MBNL2: variants seen among roughly 807,000 people sequenced by gnomAD.
The protein encoded by MBNL2 is muscleblind-like protein 2.
Under a neutral mutation model 41.9 loss-of-function variants are expected in MBNL2, and 17 were observed. That is an observed-to-expected ratio of 0.41 (90% confidence interval 0.28 to 0.61). MBNL2 has a LOEUF of 0.61. Among genes scored for constraint, MBNL2 ranks in the 20% least tolerant of loss-of-function variants. The pLI is 0.35. For synonymous variants in MBNL2, 195 were observed against 182.9 expected (o/e 1.07, Z -0.53); for missense variants, 336 against 505.6 (o/e 0.66, Z 3.22).
intron 8 of MBNL2, among the ~76,000 whole-genome samples, chr13:97,378,933 A>C (rs2065192264): frequency 6.6e-6 from 1 of 152,216 alleles, no homozygotes; most frequent in Non-Finnish European, 1.5e-5. Flanking sequence ...CACATCTTAG[A>C]GAATAATTTG....
chr13:97,373,605 A>ATATATATAT (rs2064618432), intron 8 of MBNL2, among the ~76,000 whole-genome samples: 1 of 145,388 alleles, frequency 6.9e-6, no homozygotes, highest in African/African-American at 2.5e-5. Context: ...GTATGCTAAA[A>ATATATATAT]ATATATATAT....
chr13:97,359,745 A>G (rs888476563), intron 7 of MBNL2, among the ~76,000 whole-genome samples: 3 of 152,278 alleles, frequency 2.0e-5, no homozygotes, highest in Admixed American at 2.0e-4. Context: ...GCGCACCAAT[A>G]CAGTGACTAG....
rs71922683 is a variant in MBNL2, at chr13:97,327,560, TAAAAA to T, written c.175-6697_175-6693del. 5.6e-4 allele frequency among the ~76,000 whole-genome samples: 51 copies of T among 90,744 alleles called. 1 individual carries two copies. The highest frequency in any genetic ancestry group is 2.7e-4 in the Admixed American group (2 of 7,402). The allele number at this position is 90,744 out of a possible 152,430, so 59.5% of individuals were successfully genotyped here. On this transcript the variant is annotated intron_variant, in intron 2 of 8. Coordinates refer to ENST00000679496, the MANE Select transcript of MBNL2 (RefSeq NM_001382683.1). ...GGCACAGACTATTATACGTTATTTG[TAAAAA>T]AAAAAAAAAAAAAAAAAAGTTCATA...
chr13:97,165,385 C>G, the MBNL2 span, among the ~76,000 whole-genome samples: 9,265 of 152,150 alleles, frequency 0.061, 956 homozygotes, highest in African/African-American at 0.21. Flanking sequence ...CAGTTAAACT[C>G]TATTATCTAA....
chr13:97,143,314 C>A, the MBNL2 span, among the ~76,000 whole-genome samples: 1 of 152,174 alleles, frequency 6.6e-6, no homozygotes, highest in African/African-American at 2.4e-5. Flanking sequence ...TTTGATCATA[C>A]CACATAGCCA....
chr13:97,191,016 A>G, the MBNL2 span, among the ~76,000 whole-genome samples: 1 of 152,296 alleles, frequency 6.6e-6, no homozygotes, highest in East Asian at 1.9e-4. Flanking sequence ...CTAAAAAAAA[A>G]AATCATTTAC....
At chr13:97,326,106 G>T (rs901875762) in intron 2 of MBNL2, among the ~76,000 whole-genome samples, 1 of 117,736 alleles carries the variant, frequency 8.5e-6, no homozygotes, top group African/African-American at 3.0e-5. Context: ...CATAGTCCAG[G>T]TGATGCAGTG....
chr13:97,199,407 C>T, the MBNL2 span, among the ~76,000 whole-genome samples: 1 of 152,184 alleles, frequency 6.6e-6, no homozygotes, highest in Non-Finnish European at 1.5e-5. Flanking sequence ...AGAATGAAAG[C>T]TCCATGAGGG....
At chr13:97,148,417 AT>A in the MBNL2 span, among the ~76,000 whole-genome samples, 1 of 152,182 alleles carries the variant, frequency 6.6e-6, no homozygotes, top group Non-Finnish European at 1.5e-5. Flanking sequence ...AACCCACAGA[AT>A]ATACAACACC....
the MBNL2 span, among the ~76,000 whole-genome samples, chr13:97,176,456 C>T: frequency 6.6e-6 from 1 of 152,040 alleles, no homozygotes; most frequent in Non-Finnish European, 1.5e-5. Context: ...TTAATTTCCA[C>T]AGTAGATGGT....
At chr13:97,293,818 A>G (rs1224443740) in intron 2 of MBNL2, among the ~76,000 whole-genome samples, 1 of 150,790 alleles carries the variant, frequency 6.6e-6, no homozygotes, top group Non-Finnish European at 1.5e-5. Flanking sequence ...TTTTCTTTCC[A>G]TAGGTTTTTG....
the MBNL2 span, among the ~76,000 whole-genome samples, chr13:97,159,853 G>A: frequency 1.1e-4 from 16 of 151,372 alleles, no homozygotes; most frequent in African/African-American, 3.6e-4. Context: ...TTCAACTTTG[G>A]TGAATCTGAC....
intron 2 of MBNL2, among the ~76,000 whole-genome samples, chr13:97,324,828 G>A (rs140538394): frequency 1.3e-5 from 2 of 152,120 alleles, no homozygotes; most frequent in African/African-American, 2.4e-5. Context: ...TCCGATGTTC[G>A]AGGGAAGGAA....
chr13:97,358,576 C>G (rs1016697050), intron 7 of MBNL2, among the ~76,000 whole-genome samples: 1 of 152,308 alleles, frequency 6.6e-6, no homozygotes, highest in Admixed American at 6.5e-5. Context: ...ACCGACATCT[C>G]TAACCACAGA....
intron 2 of MBNL2, among the ~76,000 whole-genome samples, chr13:97,315,413 G>A (rs1374620766): frequency 6.6e-6 from 1 of 152,188 alleles, no homozygotes. Flanking sequence ...CCCAATGGCA[G>A]GAAAGAGCTT....
At chr13:97,317,083 C>A (rs576360401) in intron 2 of MBNL2, among the ~76,000 whole-genome samples, 1 of 152,188 alleles carries the variant, frequency 6.6e-6, no homozygotes, top group African/African-American at 2.4e-5. Context: ...CCAGTGGGAA[C>A]GGAAGGTGGC....
At chr13:97,340,645 T>C (rs1317486808) in intron 3 of MBNL2, among the ~76,000 whole-genome samples, 1 of 152,106 alleles carries the variant, frequency 6.6e-6, no homozygotes, top group Non-Finnish European at 1.5e-5. Flanking sequence ...CCCAGGGAGG[T>C]TAATTTCCTC....
At chr13:97,232,048 C>T (rs943491512) in intron 1 of MBNL2, among the ~76,000 whole-genome samples, 6 of 151,926 alleles carry the variant, frequency 3.9e-5, no homozygotes, top group East Asian at 3.9e-4. Context: ...CCATTAACAT[C>T]GCATTTATTT....
the MBNL2 span, among the ~76,000 whole-genome samples, chr13:97,193,010 C>A: frequency 6.6e-6 from 1 of 152,248 alleles, no homozygotes; most frequent in African/African-American, 2.4e-5. Flanking sequence ...TTTGTCCAAG[C>A]TGCTGTCCAC....
Sources: allele counts gnomAD v4.1 joint callset (sites outside exome capture counted in the v4.1 genomes callset), GRCh38; gene constraint gnomAD v4.1.1; transcripts MANE v1.5; gene names NCBI Gene and HGNC (gene_info 2026-07-23, HGNC 2026-07-21).